The following ARHGAP28 variants were observed in gnomAD, a reference collection of about 807,000 sequenced individuals.
ARHGAP28 encodes the protein rho GTPase-activating protein 28.
A neutral mutation model predicts 90.7 loss-of-function variants in ARHGAP28; 56 were observed. The observed-to-expected ratio is 0.62, with a 90% CI of 0.50 to 0.77. ARHGAP28 has a LOEUF of 0.77. Among genes scored for constraint, ARHGAP28 ranks in the 30% least tolerant of loss-of-function variants. The pLI is 0.00. For missense variants in ARHGAP28, 869 were observed against 900.9 expected (o/e 0.96, Z 0.45); for synonymous variants, 308 against 323.3 (o/e 0.95, Z 0.51).
intron 16 of ARHGAP28, 32 bp from the exon 17 acceptor site, chr18:6,908,928 C>G: frequency 5.2e-6 from 7 of 1,343,630 alleles, no homozygotes; most frequent in Non-Finnish European, 7.4e-6. Context: ...GGAAAAAGTA[C>G]TAAAATTATA....
At chr18:6,828,843 C>G (rs909570094) in intron 2 of ARHGAP28, among the ~76,000 whole-genome samples, 2 of 152,104 alleles carry the variant, frequency 1.3e-5, no homozygotes, top group Non-Finnish European at 2.9e-5. Flanking sequence ...TGTCAACAAG[C>G]AAATATGTAA....
At position 6,777,015 on chromosome 18, in the gene ARHGAP28, G is replaced by A. The variant is rs539971183; in HGVS notation, c.122+47072G>A. ...TTGGAACATCCTCCCAACAATTGGG[G>A]AACTTTTATCAAATGATTGTTAATA... On this transcript the variant is annotated intron_variant, in intron 1 of 17. Transcript: ENST00000383472. Among the ~76,000 whole-genome samples the A allele has an allele frequency of 2.6e-5, 4 of 152,268 alleles. No individual in the cohort carries two copies. The East Asian group carries it at 5.8e-4, about 22-fold the overall frequency.
At chr18:6,867,885 G>C (rs1374523633) in intron 5 of ARHGAP28, among the ~76,000 whole-genome samples, 1 of 152,204 alleles carries the variant, frequency 6.6e-6, no homozygotes, top group East Asian at 1.9e-4. Flanking sequence ...TCTTAGCAAA[G>C]GTATAAGCAG....
Position 6,890,503 on chromosome 18 carries a change from G to A in ARHGAP28, c.1808G>A (p.Ser603Asn). 1 of 1,613,524 alleles carries A rather than the reference G, an allele frequency of 6.2e-7. No homozygotes were observed. The highest frequency in any genetic ancestry group is 1.3e-5 in the African/African-American group (1 of 75,038). Residue 603 changes from serine to asparagine, a missense_variant, in exon 14 of 18, where the codon AGT (serine) becomes AAT (asparagine). Coordinates refer to ENST00000383472, the MANE Select transcript of ARHGAP28 (RefSeq NM_001366230.1). The part of the protein sequence containing the change: ...ATMLLKKQLP[S>N]VRKLLRRKTL... ...ATGCTATTGAAGAAGCAGCTCCCAA[G>A]TGTCAGGAAGCTGCTCAGGAGGAAG...
intron 1 of ARHGAP28, among the ~76,000 whole-genome samples, chr18:6,777,227 C>T (rs1202187921): frequency 6.6e-6 from 1 of 152,100 alleles, no homozygotes; most frequent in Non-Finnish European, 1.5e-5. Context: ...TTAAGGGAGA[C>T]TCACCTGGAT....
intron 16 of ARHGAP28, 85 bp downstream of exon 16, chr18:6,896,711 C>A: frequency 6.6e-7 from 1 of 1,507,240 alleles, no homozygotes; most frequent in African/African-American, 1.4e-5. Flanking sequence ...ACAAATTTGA[C>A]CTTTTGTAAA....
At chr18:6,796,511 A>G (rs1012952988) in intron 1 of ARHGAP28, among the ~76,000 whole-genome samples, 1 of 152,070 alleles carries the variant, frequency 6.6e-6, no homozygotes, top group Non-Finnish European at 1.5e-5. Context: ...AATATTTTGT[A>G]TTTGATGTGT....
chr18:6,756,713 T>A (rs548472638), intron 1 of ARHGAP28, among the ~76,000 whole-genome samples: 2 of 152,136 alleles, frequency 1.3e-5, no homozygotes, highest in East Asian at 3.9e-4. Flanking sequence ...GCCCAAAATC[T>A]CAAAAGTAGG....
chr18:6,872,430 G>C (rs968445939), intron 7 of ARHGAP28, among the ~76,000 whole-genome samples: 1 of 152,138 alleles, frequency 6.6e-6, no homozygotes, highest in Non-Finnish European at 1.5e-5. Flanking sequence ...AGCAATTATT[G>C]AATGAATAAA....
At chr18:6,851,218 T>G in intron 4 of ARHGAP28, 92 bp downstream of exon 4, 1 of 1,124,318 alleles carries the variant, frequency 8.9e-7, no homozygotes, top group East Asian at 2.4e-5. Context: ...TGCAACATAA[T>G]TAAGATGGCT....
In ARHGAP28 at chr18:6,830,825, A is replaced by G. The variant is rs117899881; in HGVS notation, c.325+5861A>G. Among the ~76,000 whole-genome samples the G allele has an allele frequency of 6.8e-4, 104 of 152,340 alleles. 1 individual carries two copies. Among genetic ancestry groups the G allele is most frequent in the Non-Finnish European group, 1.2e-3 (79 of 68,030 alleles). On this transcript the variant is annotated intron_variant, in intron 2 of 17. Coordinates refer to ENST00000383472, the MANE Select transcript of ARHGAP28 (RefSeq NM_001366230.1). ...ATAACAGTAATATTCCATTTTATGA[A>G]TATGCCACAATTTGTTTATCCATCT...
At chr18:6,889,858 A>G (rs2057250501) in intron 12 of ARHGAP28, 30 bp from the exon 13 acceptor site, 1 of 1,607,832 alleles carries the variant, frequency 6.2e-7, no homozygotes, top group South Asian at 1.1e-5. Context: ...ACAGTGTACA[A>G]TTGTATGACA....
At position 6,896,559 on chromosome 18, in the gene ARHGAP28, A is replaced by G. The variant is rs1600299804; in HGVS notation, c.1963A>G (p.Met655Val). The change falls in exon 16 of 18, where the codon ATG becomes GTG. Residue 655 changes from methionine (M) to valine (V), a missense_variant. By Grantham distance (21) the Met-to-Val change is conservative (BLOSUM62 1). Coordinates refer to ENST00000383472, the MANE Select transcript of ARHGAP28 (RefSeq NM_001366230.1). ...VHAPLLSKVS[M>V]AIQLNNQTKA... The stretch of plus-strand genomic sequence containing the variant: ...TGCTCCACTTCTCTCCAAGGTGTCC[A>G]TGGCCATTCAACTCAACAATCAAAC... 5 of 1,614,186 alleles carry G rather than the reference A, an allele frequency of 3.1e-6. No individual in the cohort carries two copies. The highest frequency in any genetic ancestry group is 2.2e-5 in the East Asian group (1 of 44,874).
At chr18:6,898,681 G>A (rs750387026) in intron 16 of ARHGAP28, 54 of 1,421,192 alleles carry the variant, frequency 3.8e-5, no homozygotes, top group Non-Finnish European at 4.4e-5. Context: ...TAGACCTTTC[G>A]TAGAAAGAAA....
intron 1 of ARHGAP28, among the ~76,000 whole-genome samples, chr18:6,733,988 T>A (rs2055905275): frequency 6.6e-6 from 1 of 152,182 alleles, no homozygotes; most frequent in African/African-American, 2.4e-5. Flanking sequence ...TCATGGGGGA[T>A]TCCAACCACT....
rs1293097120 is a variant in ARHGAP28, at chr18:6,738,213, C to A, written c.122+8270C>A. ...ATTTTAGCAATTATAAGTTTGGGTA[C>A]TGATTATCTTTTATGTACCAAAGAT... On this transcript the variant is annotated intron_variant, in intron 1 of 17. Coordinates refer to ENST00000383472, the MANE Select transcript of ARHGAP28 (RefSeq NM_001366230.1). Among the ~76,000 whole-genome samples the A allele has an allele frequency of 2.6e-5, 4 of 152,120 alleles. No individual in the cohort carries two copies. The East Asian group carries it at 7.7e-4, about 29-fold the overall frequency.
chr18:6,905,581 A>G (rs1191975093), intron 16 of ARHGAP28, among the ~76,000 whole-genome samples: 1 of 152,168 alleles, frequency 6.6e-6, no homozygotes, highest in Non-Finnish European at 1.5e-5. Context: ...AATGGGAGGC[A>G]TACAAGTTAT....
chr18:6,779,214 A>G (rs1457211205), intron 1 of ARHGAP28, among the ~76,000 whole-genome samples: 2 of 152,182 alleles, frequency 1.3e-5, no homozygotes, highest in Admixed American at 1.3e-4. Context: ...TGAAGGGTGC[A>G]CTGTGTACTG....
rs562109504 is a variant in ARHGAP28 at position 6,873,858 on chromosome 18, C to G, written c.1212+83C>G. On this transcript the variant is annotated intron_variant, in intron 9 of 17. Transcript: ENST00000383472. ...CTTTGTAAACCCACAAATGAATTTT[C>G]TTTTATATTTAAAGACACTATCGCC... The G allele has an allele frequency of 2.6e-5, 31 of 1,200,726 alleles. No homozygotes were observed. The South Asian group carries it at 3.9e-4, about 15-fold the overall frequency. The allele number at this position is 1,200,726 out of a possible 1,614,324, so 74.4% of individuals were successfully genotyped here. A position where few individuals can be genotyped will look rare whatever the true frequency, so the allele number is the denominator to read the frequency against.
Sources: allele counts gnomAD v4.1 joint callset (sites outside exome capture counted in the v4.1 genomes callset), GRCh38; gene constraint gnomAD v4.1.1; transcripts MANE v1.5; gene names NCBI Gene and HGNC (gene_info 2026-07-23, HGNC 2026-07-21).